The following NUBPL variants were observed in gnomAD, a reference collection of about 807,000 sequenced individuals.
NUBPL encodes iron-sulfur cluster transfer protein NUBPL.
NUBPL carries 31 observed loss-of-function variants against 45.7 expected under a neutral mutation model. The ratio of observed to expected loss-of-function variants is 0.68; its 90% CI spans 0.51 to 0.92. The LOEUF is 0.92. Among genes scored for constraint, NUBPL ranks in the 40% least tolerant of loss-of-function variants. The pLI, the probability that NUBPL is intolerant of heterozygous loss-of-function variation, is 0.00. For synonymous variants in NUBPL, 144 were observed against 140.9 expected, an observed-to-expected ratio of 1.02 and a Z score of -0.15; for missense variants, 401 against 398.7, an observed-to-expected ratio of 1.01 and a Z score of -0.05.
chr14:31,700,192 A>G (rs764218786), intron 6 of NUBPL, among the ~76,000 whole-genome samples: 2 of 152,252 alleles, frequency 1.3e-5, no homozygotes, highest in Non-Finnish European at 2.9e-5. Flanking sequence ...ACAAGTTATT[A>G]TTCAGTAAAG....
At chr14:31,780,085 C>CG (rs1555337412) in intron 6 of NUBPL, among the ~76,000 whole-genome samples, 1 of 150,650 alleles carries the variant, frequency 6.6e-6, no homozygotes, top group Non-Finnish European at 1.5e-5. Context: ...TTCCCTGAGA[C>CG]GGGGTCTTGC....
At chr14:31,663,190 C>T (rs2139776317) in intron 4 of NUBPL, among the ~76,000 whole-genome samples, 1 of 152,180 alleles carries the variant, frequency 6.6e-6, no homozygotes, top group East Asian at 1.9e-4. Context: ...CTGTAGGTTG[C>T]CTGTTCACTC....
chr14:31,837,091 G>A (rs2040293239), intron 8 of NUBPL, among the ~76,000 whole-genome samples: 1 of 152,180 alleles, frequency 6.6e-6, no homozygotes, highest in South Asian at 2.1e-4. Context: ...AGAGGCTGAG[G>A]TGGGAGGATT....
chr14:31,639,644 C>G (rs769510499), intron 4 of NUBPL, among the ~76,000 whole-genome samples: 8 of 152,162 alleles, frequency 5.3e-5, no homozygotes, highest in African/African-American at 1.7e-4. Flanking sequence ...AGTCTGCAGA[C>G]GTTACTGCTG....
intron 6 of NUBPL, among the ~76,000 whole-genome samples, chr14:31,691,089 T>C (rs565835149): frequency 3.2e-4 from 49 of 152,186 alleles, no homozygotes; most frequent in African/African-American, 1.0e-3. Context: ...TTACGATGTA[T>C]TTCCATACAC....
intron 4 of NUBPL, among the ~76,000 whole-genome samples, chr14:31,638,424 T>C (rs2035574969): frequency 3.3e-5 from 5 of 151,972 alleles, no homozygotes; most frequent in Admixed American, 3.3e-4. Context: ...GCCCCCACTC[T>C]CTTCTGGCTT....
At chr14:31,600,590 A>G (rs1181365717) in intron 4 of NUBPL, among the ~76,000 whole-genome samples, 1 of 152,182 alleles carries the variant, frequency 6.6e-6, no homozygotes, top group Non-Finnish European at 1.5e-5. Context: ...AAAGAAAGCA[A>G]TTTTATTGGA....
At chr14:31,845,898 CTGAT>C (rs2040444160) in intron 8 of NUBPL, 1 of 152,900 alleles carries the variant, frequency 6.5e-6, no homozygotes, top group African/African-American at 2.4e-5. Flanking sequence ...AAACAAAAAT[CTGAT>C]TGTATAACTA....
chr14:31,613,122 C>T lies in NUBPL; in HGVS notation c.382+13743C>T, dbSNP rs532507652. ...GGTACTAGTCAGCCATAAAAAGGAACGAGATCCTGTTATTTGCAACAACAT... is the reference window on the plus strand; with the variant it reads ...GGTACTAGTCAGCCATAAAAAGGAATGAGATCCTGTTATTTGCAACAACAT... On this transcript the variant is annotated intron_variant, in intron 4 of 10. Transcript: ENST00000281081. 6.6e-5 allele frequency among the ~76,000 whole-genome samples: 10 copies of T among 152,234 alleles called. No homozygotes were observed. In the East Asian group the frequency reaches 7.7e-4, roughly 12 times the overall value.
At chr14:31,832,946 C>T (rs1227138548) in intron 8 of NUBPL, among the ~76,000 whole-genome samples, 5 of 152,174 alleles carry the variant, frequency 3.3e-5, no homozygotes, top group African/African-American at 9.6e-5. Context: ...TCTAAGCACT[C>T]AATGTTTACA....
intron 7 of NUBPL, among the ~76,000 whole-genome samples, chr14:31,817,920 C>G (rs1452268779): frequency 1.3e-5 from 2 of 151,970 alleles, no homozygotes. Flanking sequence ...AGACCCATTT[C>G]ATGTGCAAAG....
chr14:31,715,804 T>G (rs35349298), intron 6 of NUBPL, among the ~76,000 whole-genome samples: 67,847 of 151,990 alleles, frequency 0.45, 17,571 homozygotes, highest in East Asian at 0.6. Context: ...ACTAAATTTA[T>G]TTAAAAAATT....
At chr14:31,664,717 G>A (rs2036362638) in intron 4 of NUBPL, among the ~76,000 whole-genome samples, 1 of 152,100 alleles carries the variant, frequency 6.6e-6, no homozygotes, top group African/African-American at 2.4e-5. Context: ...TTGTGTCTTT[G>A]CCAGGTTTTG....
chr14:31,570,620 A>G (rs2139460749), intron 3 of NUBPL, among the ~76,000 whole-genome samples: 1 of 152,324 alleles, frequency 6.6e-6, no homozygotes, highest in South Asian at 2.1e-4. Context: ...ACATTTCATC[A>G]GCAAGCAAAT....
intron 6 of NUBPL, among the ~76,000 whole-genome samples, chr14:31,676,830 G>A (rs947226281): frequency 2.8e-4 from 43 of 151,504 alleles, no homozygotes; most frequent in African/African-American, 1.0e-3. Flanking sequence ...TTGGCCATGA[G>A]TCCATTGTCA....
intron 4 of NUBPL, among the ~76,000 whole-genome samples, chr14:31,663,943 G>A (rs8011594): frequency 0.023 from 3,488 of 152,188 alleles, 70 homozygotes; most frequent in Non-Finnish European, 0.032. Flanking sequence ...TCCTTGAAGA[G>A]GTCCTTCACG....
chr14:31,734,342 A>G (rs1214668896), intron 6 of NUBPL, among the ~76,000 whole-genome samples: 12 of 152,226 alleles, frequency 7.9e-5, no homozygotes, highest in Non-Finnish European at 1.8e-4. Flanking sequence ...AAATGAAAGA[A>G]AGTGTCGAAT....
At chr14:31,597,756 G>GT (rs766188336) in intron 3 of NUBPL, among the ~76,000 whole-genome samples, 8 of 151,986 alleles carry the variant, frequency 5.3e-5, no homozygotes, top group African/African-American at 1.7e-4. Context: ...GTAGTTTTTA[G>GT]TTTTTGTAGG....
At position 31,827,418 on chromosome 14, in the gene NUBPL, G is replaced by A. The variant is rs572609057; in HGVS notation, c.693+704G>A. On this transcript the variant is annotated intron_variant, in intron 8 of 10. Coordinates refer to ENST00000281081, the MANE Select transcript of NUBPL (RefSeq NM_025152.3). ...GACCAGAGAGAAATATCTTCCCTAG[G>A]TTCTTAGAAAGAAGAACCTGTGTAT... 2.0e-4 allele frequency among the ~76,000 whole-genome samples: 30 copies of A among 151,452 alleles called. No individual in the cohort carries two copies. In the South Asian group the frequency reaches 5.7e-3, roughly 29 times the overall value.
Sources: allele counts gnomAD v4.1 joint callset (sites outside exome capture counted in the v4.1 genomes callset), GRCh38; gene constraint gnomAD v4.1.1; transcripts MANE v1.5; gene names NCBI Gene and HGNC (gene_info 2026-07-23, HGNC 2026-07-21).